NSMCE2: variants seen among roughly 807,000 people sequenced by gnomAD.
The protein encoded by NSMCE2 is NSE2 SUMO ligase component of SMC5/6 complex.
A neutral mutation model predicts 23.8 loss-of-function variants in NSMCE2; 24 were observed. The observed-to-expected ratio is 1.01, with a 90% CI of 0.73 to 1.42. NSMCE2 has a LOEUF of 1.42. Among genes scored for constraint, NSMCE2 ranks in the 40% most tolerant of loss-of-function variants. The pLI, the probability that NSMCE2 is intolerant of heterozygous loss-of-function variation, is 0.00. For synonymous variants in NSMCE2, 92 were observed against 94.1 expected (o/e 0.98, Z 0.13); for missense variants, 284 against 296.5 (o/e 0.96, Z 0.31).
chr8:125,310,432 G>A (rs528397778), intron 5 of NSMCE2, among the ~76,000 whole-genome samples: 53 of 152,184 alleles, frequency 3.5e-4, no homozygotes, highest in Non-Finnish European at 6.6e-4. Flanking sequence ...ACCATATGAT[G>A]AGTGCCCAAT....
rs1818239033 is a variant in NSMCE2, at chr8:125,102,422, A to G, written c.92A>G (p.Gln31Arg). ...ESALSSLKNF[Q>R]ACINSGMDTA... ...GCTCTCTCCTCCTTGAAAAACTTCC[A>G]AGCCTGTATCAACTCTGGTATGGAC... is the stretch of plus-strand genomic sequence containing the variant. The change falls in exon 3 of 8, where the codon CAA becomes CGA. Residue 31 changes from glutamine (Q) to arginine (R), a missense_variant. Coordinates refer to ENST00000287437, the MANE Select transcript of NSMCE2 (RefSeq NM_173685.4). The G allele has an allele frequency of 6.2e-7, 1 of 1,613,770 alleles. No homozygotes were observed. The highest frequency in any genetic ancestry group is 8.5e-7 in the Non-Finnish European group (1 of 1,179,706).
At chr8:125,246,163 A>T (rs1436188403) in intron 5 of NSMCE2, among the ~76,000 whole-genome samples, 2 of 152,002 alleles carry the variant, frequency 1.3e-5, no homozygotes, top group East Asian at 3.8e-4. Context: ...AATCTGCAAA[A>T]TGAATCTTTT....
At chr8:125,191,556 C>T (rs1363601979) in intron 5 of NSMCE2, among the ~76,000 whole-genome samples, 5 of 152,094 alleles carry the variant, frequency 3.3e-5, no homozygotes, top group East Asian at 1.9e-4. Flanking sequence ...CGGTCACTTG[C>T]ATTTAGAGAT....
intron 5 of NSMCE2, among the ~76,000 whole-genome samples, chr8:125,270,059 A>C (rs1037828888): frequency 1.3e-5 from 2 of 152,212 alleles, no homozygotes; most frequent in African/African-American, 4.8e-5. Context: ...CAATAAGCAT[A>C]AGGAGCTATA....
chr8:125,227,230 C>T (rs35991395), intron 5 of NSMCE2, among the ~76,000 whole-genome samples: 10,064 of 152,172 alleles, frequency 0.066, 431 homozygotes, highest in South Asian at 0.15. Context: ...AGGCCTGCCA[C>T]GTCCCTGACA....
chr8:125,110,552 G>A (rs1818682425), intron 3 of NSMCE2, among the ~76,000 whole-genome samples: 1 of 152,104 alleles, frequency 6.6e-6, no homozygotes, highest in South Asian at 2.1e-4. Flanking sequence ...TTACACATGA[G>A]AAAAATTGAG....
At position 125,252,857 on chromosome 8, in the gene NSMCE2, G is replaced by C. The variant is rs1286771104; in HGVS notation, c.418+70601G>C. On this transcript the variant is annotated intron_variant, in intron 5 of 7. Transcript: ENST00000287437. ...GGTAGTTCCGGAGTTAAGAGCGCAA[G>C]CTCCGGAAAGAGCCAAGGTTATTTA... 3.3e-5 allele frequency among the ~76,000 whole-genome samples: 5 copies of C among 152,254 alleles called. No individual in the cohort carries two copies. In the East Asian group the frequency reaches 9.6e-4, roughly 29 times the overall value.
intron 5 of NSMCE2, among the ~76,000 whole-genome samples, chr8:125,328,227 A>G (rs796090670): frequency 2.0e-5 from 3 of 152,052 alleles, no homozygotes; most frequent in African/African-American, 7.2e-5. Flanking sequence ...ACAAGAAACA[A>G]TATTCTAAAC....
At chr8:125,203,922 G>A (rs1169538115) in intron 5 of NSMCE2, among the ~76,000 whole-genome samples, 1 of 152,170 alleles carries the variant, frequency 6.6e-6, no homozygotes, top group Non-Finnish European at 1.5e-5. Context: ...AAATTTCAGT[G>A]TTAGATATAT....
intron 5 of NSMCE2, among the ~76,000 whole-genome samples, chr8:125,272,883 GTA>G (rs1207036206): frequency 7.8e-6 from 1 of 128,652 alleles, no homozygotes. Flanking sequence ...ATACGTGTGT[GTA>G]TATATATATA....
intron 5 of NSMCE2, among the ~76,000 whole-genome samples, chr8:125,198,458 G>C (rs532837378): frequency 4.9e-4 from 74 of 152,288 alleles, no homozygotes; most frequent in African/African-American, 1.8e-3. Flanking sequence ...TGTGGTTTTT[G>C]TCATTGGTTC....
intron 1 of NSMCE2, among the ~76,000 whole-genome samples, chr8:125,098,507 G>A (rs189893637): frequency 6.6e-5 from 10 of 152,234 alleles, no homozygotes; most frequent in African/African-American, 2.2e-4. Context: ...TGAGAATAGG[G>A]TGGAAGAGGC....
At chr8:125,112,136 T>C (rs59513985) in intron 3 of NSMCE2, among the ~76,000 whole-genome samples, 3,737 of 152,320 alleles carry the variant, frequency 0.025, 137 homozygotes, top group African/African-American at 0.085. Flanking sequence ...ATACAGCTTT[T>C]ATAACTGGAG....
chr8:125,116,202 T>A (rs1310293113), intron 3 of NSMCE2, among the ~76,000 whole-genome samples: 1 of 152,218 alleles, frequency 6.6e-6, no homozygotes, highest in Admixed American at 6.5e-5. Context: ...AATTCTATTT[T>A]ACAAATGACA....
intron 5 of NSMCE2, chr8:125,182,758 G>GT (rs1359047291): frequency 6.4e-6 from 1 of 156,450 alleles, no homozygotes; most frequent in Non-Finnish European, 1.4e-5. Context: ...ATTCCATGTG[G>GT]TTTTTAAATT....
intron 5 of NSMCE2, among the ~76,000 whole-genome samples, chr8:125,260,488 C>T (rs1288069820): frequency 1.3e-5 from 2 of 150,420 alleles, no homozygotes; most frequent in South Asian, 2.2e-4. Context: ...TTCTAGCCCT[C>T]CCTGCTGGCT....
intron 3 of NSMCE2, among the ~76,000 whole-genome samples, chr8:125,148,899 A>G (rs188117308): frequency 5.3e-5 from 8 of 152,332 alleles, no homozygotes; most frequent in Admixed American, 3.9e-4. Context: ...CAAAACATCC[A>G]TTACATTAGG....
At chr8:125,152,248 G>T (rs936734355) in intron 4 of NSMCE2, among the ~76,000 whole-genome samples, 2 of 152,054 alleles carry the variant, frequency 1.3e-5, no homozygotes, top group Non-Finnish European at 2.9e-5. Context: ...GTGACTGTTA[G>T]TCCTGGTCTT....
intron 5 of NSMCE2, among the ~76,000 whole-genome samples, chr8:125,284,070 C>T (rs1002907362): frequency 2.7e-5 from 4 of 150,938 alleles, no homozygotes; most frequent in Admixed American, 6.6e-5. Context: ...AGGAGAATGG[C>T]GTGAACCTGG....
Sources: allele counts gnomAD v4.1 joint callset (sites outside exome capture counted in the v4.1 genomes callset), GRCh38; gene constraint gnomAD v4.1.1; transcripts MANE v1.5; gene names NCBI Gene and HGNC (gene_info 2026-07-23, HGNC 2026-07-21).